The following SKIC3 variants were observed in gnomAD, a reference collection of about 807,000 sequenced individuals.
The protein encoded by SKIC3 is SKI3 subunit of superkiller complex, also known as superkiller complex protein 3.
At chr5:95,524,915 G>T in the SKIC3 span, among the ~76,000 whole-genome samples, 2 of 151,514 alleles carry the variant, frequency 1.3e-5, no homozygotes, top group African/African-American at 2.4e-5. Context: ...TCCGAGTCTT[G>T]CTCTGTCATC....
At chr5:95,515,531 CTA>C in the SKIC3 span, among the ~76,000 whole-genome samples, 2 of 151,992 alleles carry the variant, frequency 1.3e-5, no homozygotes, top group Non-Finnish European at 2.9e-5. Context: ...CTTATTTTTC[CTA>C]TTTTTAAAAA....
chr5:95,519,583 G>A, the SKIC3 span, among the ~76,000 whole-genome samples: 4 of 151,814 alleles, frequency 2.6e-5, no homozygotes, highest in African/African-American at 7.3e-5. Flanking sequence ...TGAAACAGGC[G>A]ATTTTAAGAG....
At chr5:95,513,177 C>G in the SKIC3 span, 1 of 198,002 alleles carries the variant, frequency 5.1e-6, no homozygotes, top group Admixed American at 5.3e-5. Context: ...CAACTGATGT[C>G]ATTAACATCT....
the SKIC3 span, among the ~76,000 whole-genome samples, chr5:95,511,105 A>G: frequency 6.6e-6 from 1 of 152,180 alleles, no homozygotes; most frequent in Non-Finnish European, 1.5e-5. Flanking sequence ...AGAGTCAACA[A>G]AATTGAGTCA....
the SKIC3 span, chr5:95,478,270 T>A: frequency 6.2e-6 from 10 of 1,613,192 alleles, no homozygotes; most frequent in Non-Finnish European, 7.6e-6. Context: ...TTCATGATCA[T>A]AATTATAACA....
the SKIC3 span, among the ~76,000 whole-genome samples, chr5:95,537,647 T>C: frequency 6.6e-6 from 1 of 152,208 alleles, no homozygotes; most frequent in East Asian, 1.9e-4. Context: ...CAGTATTAGC[T>C]GACTCTGAAG....
chr5:95,492,668 A>AAAAAAAAAAAAAAC, the SKIC3 span, among the ~76,000 whole-genome samples: 1 of 130,622 alleles, frequency 7.7e-6, no homozygotes, highest in Non-Finnish European at 1.6e-5. Flanking sequence ...AAAAAAAAAA[A>AAAAAAAAAAAAAAC]AAAAAAAAAA....
chr5:95,525,000 C>T, the SKIC3 span, among the ~76,000 whole-genome samples: 1 of 152,124 alleles, frequency 6.6e-6, no homozygotes, highest in Non-Finnish European at 1.5e-5. Context: ...TCTCGTGCCT[C>T]AGCCTCCTGA....
At chr5:95,484,863 C>A in the SKIC3 span, 1 of 1,612,678 alleles carries the variant, frequency 6.2e-7, no homozygotes, top group South Asian at 1.1e-5. Context: ...CAAAAAATGT[C>A]AATGTTACTT....
At chr5:95,490,655 G>A in the SKIC3 span, among the ~76,000 whole-genome samples, 2 of 151,608 alleles carry the variant, frequency 1.3e-5, no homozygotes, top group Admixed American at 6.6e-5. Flanking sequence ...CCGCCACCAC[G>A]CTCAGCTAAT....
chr5:95,502,994 C>T, the SKIC3 span: 1 of 1,613,984 alleles, frequency 6.2e-7, no homozygotes, highest in Non-Finnish European at 8.5e-7. Context: ...AGACAAGGCT[C>T]TCTCATAGGC....
chr5:95,514,770 C>T, the SKIC3 span: 179 of 1,403,430 alleles, frequency 1.3e-4, no homozygotes, highest in Non-Finnish European at 1.7e-4. Flanking sequence ...AAATGCTATC[C>T]GTTACCATTA....
chr5:95,514,500 T>C, the SKIC3 span, among the ~76,000 whole-genome samples: 1 of 152,140 alleles, frequency 6.6e-6, no homozygotes, highest in South Asian at 2.1e-4. Context: ...TACATGTGAG[T>C]TAAACAATAG....
chr5:95,503,854 C>A, the SKIC3 span: 1 of 1,613,890 alleles, frequency 6.2e-7, no homozygotes. Flanking sequence ...TGAATAAAGC[C>A]AATGCAAAAC....
the SKIC3 span, among the ~76,000 whole-genome samples, chr5:95,492,122 T>C: frequency 6.6e-6 from 1 of 152,176 alleles, no homozygotes; most frequent in African/African-American, 2.4e-5. Flanking sequence ...CTCCATATTA[T>C]GAAACAATTT....
the SKIC3 span, among the ~76,000 whole-genome samples, chr5:95,468,981 G>A: frequency 8.5e-5 from 13 of 152,144 alleles, no homozygotes; most frequent in African/African-American, 2.9e-4. Context: ...TAGTGCTGGA[G>A]TTGCTAATCA....
At chr5:95,501,880 T>C in the SKIC3 span, among the ~76,000 whole-genome samples, 2 of 152,098 alleles carry the variant, frequency 1.3e-5, no homozygotes, top group African/African-American at 4.8e-5. Context: ...ATGTTATATA[T>C]AACGATAGAT....
At chr5:95,503,252 T>A in the SKIC3 span, among the ~76,000 whole-genome samples, 10 of 152,218 alleles carry the variant, frequency 6.6e-5, no homozygotes, top group Non-Finnish European at 1.3e-4. Context: ...GGAATCTATA[T>A]GGGGATCTAG....
the SKIC3 span, chr5:95,503,068 A>T: frequency 6.2e-7 from 1 of 1,600,502 alleles, no homozygotes; most frequent in Non-Finnish European, 8.5e-7. Flanking sequence ...GAAGCATGGG[A>T]TTTTTCCTTT....
Sources: allele counts gnomAD v4.1 joint callset (sites outside exome capture counted in the v4.1 genomes callset), GRCh38; gene constraint gnomAD v4.1.1; transcripts MANE v1.5; gene names NCBI Gene and HGNC (gene_info 2026-07-23, HGNC 2026-07-21).